Variants in C9orf153 observed in about 807,000 individuals in gnomAD.
C9orf153 encodes uncharacterized protein C9orf153.
A neutral mutation model predicts 9.0 loss-of-function variants in C9orf153; 10 were observed. That is an observed-to-expected ratio of 1.11 (90% confidence interval 0.69 to 1.89). The LOEUF (loss-of-function observed/expected upper bound fraction) is 1.89, where lower values mean the gene tolerates loss of function less well. Among genes scored for constraint, C9orf153 ranks in the 40% most tolerant of loss-of-function variants. The pLI is 0.00. For synonymous variants in C9orf153, 35 were observed against 37.3 expected, an observed-to-expected ratio of 0.94 and a Z score of 0.23; for missense variants, 108 against 111.0, an observed-to-expected ratio of 0.97 and a Z score of 0.12.
intron 1 of C9orf153, among the ~76,000 whole-genome samples, chr9:86,250,969 T>C (rs753747745): frequency 5.9e-5 from 9 of 152,190 alleles, no homozygotes; most frequent in Non-Finnish European, 1.3e-4. Flanking sequence ...TCATAGCTCA[T>C]AGCAGCCTCA....
chr9:86,258,488 G>C (rs995713541), intron 1 of C9orf153: 1 of 152,086 alleles, frequency 6.6e-6, no homozygotes, highest in African/African-American at 2.4e-5. Context: ...CCCAAAGAAC[G>C]GCCCTCCTCT....
rs1038425671 is a variant in C9orf153 at position 86,238,096 on chromosome 9, A to G, written c.-26-8467T>C. Among the ~76,000 whole-genome samples the G allele has an allele frequency of 5.9e-5, 9 of 152,268 alleles. No homozygotes were observed. In the East Asian group the frequency reaches 1.4e-3, roughly 23 times the overall value. ...AGAGACTTTGACGAAAAACCAAAAA[A>G]CAAAACAAAACAAAAAACCCAAAAC... On this transcript the variant is annotated intron_variant, in intron 1 of 3. Coordinates refer to ENST00000339137, the MANE Select transcript of C9orf153 (RefSeq NM_001276366.4).
chr9:86,225,226 A>T (rs994305725), intron 3 of C9orf153, among the ~76,000 whole-genome samples: 6 of 152,046 alleles, frequency 3.9e-5, no homozygotes, highest in Admixed American at 6.5e-5. Context: ...TGAGTAGGAG[A>T]GTAGAAGATG....
chr9:86,229,247 A>G (rs2131177870), intron 2 of C9orf153, among the ~76,000 whole-genome samples: 1 of 120,700 alleles, frequency 8.3e-6, no homozygotes, highest in East Asian at 2.6e-4. Flanking sequence ...TGGTTAATAC[A>G]TCTTTTCCTA....
At chr9:86,239,369 T>C (rs905803935) in intron 1 of C9orf153, among the ~76,000 whole-genome samples, 1 of 152,164 alleles carries the variant, frequency 6.6e-6, no homozygotes, top group Non-Finnish European at 1.5e-5. Flanking sequence ...CACTTTTATG[T>C]ATTTTACAAT....
At position 86,249,585 on chromosome 9, in the gene C9orf153, G is replaced by A. The variant is rs377572148; in HGVS notation, c.-27+9965C>T. 5.6e-5 allele frequency among the ~76,000 whole-genome samples: 8 copies of A among 141,884 alleles called. 1 individual carries two copies. The highest frequency in any genetic ancestry group is 4.1e-4 in the East Asian group (2 of 4,882). The allele number at this position is 141,884 out of a possible 152,430, so 93.1% of individuals were successfully genotyped here. A position where few individuals can be genotyped will look rare whatever the true frequency, so the allele number is the denominator to read the frequency against. ...TTTTTTTGAGACAGGGTCTTACTCT[G>A]TCACCCAGGTTGGAGCGCAGTGGCG... On this transcript the variant is annotated intron_variant, in intron 1 of 3. Transcript: ENST00000339137.
intron 1 of C9orf153, among the ~76,000 whole-genome samples, chr9:86,238,202 C>G (rs1236486869): frequency 6.6e-6 from 1 of 152,076 alleles, no homozygotes; most frequent in African/African-American, 2.4e-5. Context: ...CTTTAATACC[C>G]CTCTATCGAA....
At chr9:86,230,687 A>G (rs1824450541) in intron 1 of C9orf153, among the ~76,000 whole-genome samples, 1 of 152,252 alleles carries the variant, frequency 6.6e-6, no homozygotes, top group Admixed American at 6.5e-5. Flanking sequence ...ACACTCAAAA[A>G]GTGTTTTTTA....
In C9orf153 at chr9:86,227,913, T is replaced by G; in HGVS notation, c.184A>C (p.Asn62His). The stretch of plus-strand genomic sequence containing the variant: ...GCGCCCCTGGTGAATGACATGACAT[T>G]CAGGTTTCTAGCAAGTACTTCCTGT... ...EAQEVLARNL[N>H]VMSFTRGADV... The change falls in exon 3 of 4, where the codon AAT becomes CAT. Residue 62 changes from asparagine (N) to histidine (H), a missense_variant. Asn to His is a moderately conservative substitution (Grantham distance 68, BLOSUM62 1). Transcript: ENST00000339137. 1 of 1,613,882 alleles carries G rather than the reference T, an allele frequency of 6.2e-7. No individual in the cohort carries two copies. Among genetic ancestry groups the G allele is most frequent in the Non-Finnish European group, 8.5e-7 (1 of 1,179,868 alleles).
At chr9:86,248,664 C>T (rs1365931417) in intron 1 of C9orf153, among the ~76,000 whole-genome samples, 1 of 151,994 alleles carries the variant, frequency 6.6e-6, no homozygotes, top group Admixed American at 6.6e-5. Flanking sequence ...ATATTTACAC[C>T]CCCTGCTGGG....
chr9:86,247,408 G>A (rs1363103681), intron 1 of C9orf153, among the ~76,000 whole-genome samples: 3 of 152,022 alleles, frequency 2.0e-5, no homozygotes, highest in Non-Finnish European at 2.9e-5. Flanking sequence ...TAGGCTGGGC[G>A]TGGTGGCTCA....
At chr9:86,254,987 C>G (rs1825082435) in intron 1 of C9orf153, among the ~76,000 whole-genome samples, 1 of 151,736 alleles carries the variant, frequency 6.6e-6, no homozygotes, top group Admixed American at 6.6e-5. Context: ...ATGGCTTGAA[C>G]CCAGGAGGTG....
At chr9:86,240,497 C>A (rs1322510658) in intron 1 of C9orf153, among the ~76,000 whole-genome samples, 1 of 151,102 alleles carries the variant, frequency 6.6e-6, no homozygotes, top group East Asian at 1.9e-4. Context: ...CCCACCTCAG[C>A]CTCTCAGGTA....
intron 3 of C9orf153, among the ~76,000 whole-genome samples, chr9:86,226,437 T>A (rs1824333672): frequency 6.6e-6 from 1 of 152,074 alleles, no homozygotes; most frequent in South Asian, 2.1e-4. Flanking sequence ...TCCTCTCACC[T>A]CAGCCTCCCG....
chr9:86,234,769 T>C (rs2131184333), intron 1 of C9orf153, among the ~76,000 whole-genome samples: 1 of 152,258 alleles, frequency 6.6e-6, no homozygotes, highest in Middle Eastern at 3.4e-3. Context: ...AAAAGACCAA[T>C]CACAGAATGA....
intron 1 of C9orf153, chr9:86,258,612 G>A (rs1283691551): frequency 6.6e-6 from 1 of 152,158 alleles, no homozygotes; most frequent in African/African-American, 2.4e-5. Context: ...CATCAGTGGG[G>A]TGACAGATGT....
chr9:86,258,663 A>G (rs1194459624), intron 1 of C9orf153: 1 of 152,236 alleles, frequency 6.6e-6, no homozygotes, highest in Non-Finnish European at 1.5e-5. Context: ...AATTGCTTTT[A>G]AAACGCAATA....
At chr9:86,227,101 T>C (rs1272439499) in intron 3 of C9orf153, among the ~76,000 whole-genome samples, 1 of 152,144 alleles carries the variant, frequency 6.6e-6, no homozygotes, top group Non-Finnish European at 1.5e-5. Flanking sequence ...ATCTGAGACT[T>C]GATCCTGGAA....
Position 86,229,676 on chromosome 9 carries a change from CAGAT to C in C9orf153, c.-26-51_-26-48del, listed in dbSNP as rs1173946542. On this transcript the variant is annotated intron_variant, in intron 1 of 3. Transcript: ENST00000339137. ...AAGACAAAAATCAAAGATTAAAAAT[CAGAT>C]AGAATACAAAGGGGGAGGTGAGACT... 5 of 1,144,354 alleles carry C rather than the reference CAGAT, an allele frequency of 4.4e-6. No homozygotes were observed. In the Admixed American group the frequency reaches 9.9e-5, roughly 23 times the overall value. 70.9% of individuals were successfully genotyped at this position (1,144,354 alleles called of 1,614,324 possible).
Sources: gnomAD v4.1 joint callset for allele counts (sites outside exome capture counted in the v4.1 genomes callset) on GRCh38, gnomAD v4.1.1 for gene constraint, MANE v1.5 for transcripts, NCBI Gene and HGNC (gene_info 2026-07-23, HGNC 2026-07-21) for gene names.